PRELID2: variants seen among roughly 807,000 people sequenced by gnomAD.
The protein encoded by PRELID2 is PRELI domain-containing protein 2.
PRELID2 carries 25 observed loss-of-function variants against 28.4 expected under a neutral mutation model. The observed-to-expected ratio is 0.88, with a 90% CI of 0.64 to 1.23. The LOEUF (loss-of-function observed/expected upper bound fraction) is 1.23, where lower values mean the gene tolerates loss of function less well. PRELID2 is among the 50% of genes most tolerant of loss of function. The probability of loss-of-function intolerance (pLI) is 0.00; values close to 1 mark genes in which losing one functional copy is unlikely to be tolerated. For synonymous variants in PRELID2, 76 were observed against 71.6 expected (o/e 1.06, Z -0.31); for missense variants, 201 against 214.4 (o/e 0.94, Z 0.39).
chr5:145,301,852 AC>A, the PRELID2 span, among the ~76,000 whole-genome samples: 1 of 151,758 alleles, frequency 6.6e-6, no homozygotes, highest in African/African-American at 2.4e-5. Context: ...TTACATCAAA[AC>A]CATATAGTCT....
At chr5:145,744,996 A>C (rs974508731) in intron 1 of PRELID2, among the ~76,000 whole-genome samples, 4 of 151,986 alleles carry the variant, frequency 2.6e-5, no homozygotes, top group Non-Finnish European at 5.9e-5. Flanking sequence ...AACTAGAAAA[A>C]CCAGTTTAGA....
chr5:145,246,502 A>C, the PRELID2 span, among the ~76,000 whole-genome samples: 1 of 152,122 alleles, frequency 6.6e-6, no homozygotes, highest in Non-Finnish European at 1.5e-5. Context: ...ATTCTAGTTT[A>C]GATTGAGAAA....
At chr5:145,671,121 C>T (rs1178169125) in intron 1 of PRELID2, among the ~76,000 whole-genome samples, 2 of 152,048 alleles carry the variant, frequency 1.3e-5, no homozygotes, top group African/African-American at 2.4e-5. Flanking sequence ...CCTATAATGA[C>T]AAAAATGTTC....
the PRELID2 span, among the ~76,000 whole-genome samples, chr5:145,419,767 A>G: frequency 2.6e-5 from 4 of 151,932 alleles, no homozygotes; most frequent in East Asian, 1.9e-4. Context: ...GTCTTTTGTT[A>G]CCATTGCTTT....
At chr5:145,447,573 A>C in the PRELID2 span, among the ~76,000 whole-genome samples, 1 of 130,682 alleles carries the variant, frequency 7.7e-6, no homozygotes, top group East Asian at 2.3e-4. Flanking sequence ...TGCACCCACT[A>C]ACTCGTCATC....
At chr5:145,728,755 CTTCATTTTGTTTTGCACCAATGT>C in intron 1 of PRELID2, 1 of 1,438,512 alleles carries the variant, frequency 7.0e-7, no homozygotes, top group Non-Finnish European at 9.8e-7. Flanking sequence ...GTTGTGAAGG[CTTCATTTTGTTTTGCACCAATGT>C]AGTAGGAGTA....
At chr5:145,352,383 C>T in the PRELID2 span, among the ~76,000 whole-genome samples, 2 of 152,212 alleles carry the variant, frequency 1.3e-5, no homozygotes, top group East Asian at 1.9e-4. Context: ...GGGGCTTGTA[C>T]TTTCTGAAGC....
At chr5:145,739,546 G>A (rs1028714078) in intron 1 of PRELID2, among the ~76,000 whole-genome samples, 1 of 151,816 alleles carries the variant, frequency 6.6e-6, no homozygotes, top group African/African-American at 2.4e-5. Flanking sequence ...AAGAAAGAAA[G>A]AATAAAGTAA....
chr5:145,618,898 G>C (rs1248486157), intron 1 of PRELID2, among the ~76,000 whole-genome samples: 1 of 152,104 alleles, frequency 6.6e-6, no homozygotes, highest in African/African-American at 2.4e-5. Flanking sequence ...CAGGTCAATG[G>C]AGTTATGTAC....
the PRELID2 span, among the ~76,000 whole-genome samples, chr5:145,247,355 C>CT: frequency 0.083 from 12,563 of 152,172 alleles, 1,124 homozygotes; most frequent in African/African-American, 0.23. Context: ...GTGAATTACT[C>CT]TTTTCCATGA....
chr5:145,688,307 A>G (rs774179443), intron 1 of PRELID2, among the ~76,000 whole-genome samples: 3 of 152,218 alleles, frequency 2.0e-5, no homozygotes, highest in Admixed American at 6.5e-5. Flanking sequence ...TGGATGAAAG[A>G]TAAAACCCTC....
chr5:145,537,761 G>C (rs1305531275), intron 1 of PRELID2, among the ~76,000 whole-genome samples: 2 of 151,652 alleles, frequency 1.3e-5, no homozygotes, highest in Non-Finnish European at 2.9e-5. Flanking sequence ...TGTATAGTTT[G>C]CAAATATTTT....
At chr5:145,238,844 A>G in the PRELID2 span, among the ~76,000 whole-genome samples, 1 of 152,108 alleles carries the variant, frequency 6.6e-6, no homozygotes, top group Non-Finnish European at 1.5e-5. Context: ...TTCCTTCAAT[A>G]AAGAAGTCAC....
At chr5:145,717,991 C>G (rs1254526174) in intron 1 of PRELID2, among the ~76,000 whole-genome samples, 1 of 151,810 alleles carries the variant, frequency 6.6e-6, no homozygotes, top group African/African-American at 2.4e-5. Flanking sequence ...ACTGTCGACT[C>G]TTAAATAGTC....
At chr5:145,782,294 G>A (rs1751688568) in intron 5 of PRELID2, among the ~76,000 whole-genome samples, 1 of 152,190 alleles carries the variant, frequency 6.6e-6, no homozygotes, top group African/African-American at 2.4e-5. Context: ...GAGAGGATGG[G>A]CTCTGAGGTC....
chr5:145,504,645 C>T (rs568484612), intron 1 of PRELID2, among the ~76,000 whole-genome samples: 6 of 152,130 alleles, frequency 3.9e-5, no homozygotes, highest in Non-Finnish European at 7.4e-5. Context: ...AAGTACCTCC[C>T]TTTTATTTAG....
intron 1 of PRELID2, among the ~76,000 whole-genome samples, chr5:145,717,406 T>C (rs1026964928): frequency 1.3e-5 from 2 of 152,246 alleles, no homozygotes; most frequent in East Asian, 3.9e-4. Flanking sequence ...TTTAAAATGG[T>C]TAATTTTATG....
At chr5:145,787,050 G>T (rs962774867) in intron 5 of PRELID2, among the ~76,000 whole-genome samples, 9 of 152,084 alleles carry the variant, frequency 5.9e-5, no homozygotes, top group African/African-American at 2.2e-4. Flanking sequence ...GAATAATGAT[G>T]GAACTAATAA....
the PRELID2 span, among the ~76,000 whole-genome samples, chr5:145,333,942 T>A: frequency 7.9e-5 from 12 of 152,138 alleles, no homozygotes. Flanking sequence ...GGTCTGTGAG[T>A]TGCAAAGACC....
Sources: allele counts gnomAD v4.1 joint callset (sites outside exome capture counted in the v4.1 genomes callset), GRCh38; gene constraint gnomAD v4.1.1; transcripts MANE v1.5; gene names NCBI Gene and HGNC (gene_info 2026-07-23, HGNC 2026-07-21).